The following SPIDR variants were observed in gnomAD, a reference collection of about 807,000 sequenced individuals.
SPIDR encodes scaffold protein involved in DNA repair.
In SPIDR, 93 loss-of-function variants were observed where a neutral mutation model predicts 104.6. That is an observed-to-expected ratio of 0.89 (90% CI 0.75 to 1.06). The LOEUF (loss-of-function observed/expected upper bound fraction) is 1.06. SPIDR is among the 50% of genes least tolerant of loss of function. The probability of loss-of-function intolerance (pLI) is 0.00; values close to 1 mark genes in which losing one functional copy is unlikely to be tolerated. For synonymous variants in SPIDR, 431 were observed against 416.9 expected (o/e 1.03, Z -0.41); for missense variants, 1,154 against 1,111.2 (o/e 1.04, Z -0.55).
intron 8 of SPIDR, among the ~76,000 whole-genome samples, chr8:47,552,112 TTGATTGCACTG>T (rs1197404083): frequency 6.6e-6 from 1 of 152,222 alleles, no homozygotes; most frequent in Non-Finnish European, 1.5e-5. Context: ...GAGTTCTAGT[TTGATTGCACTG>T]TGGTCTGAGA....
At chr8:47,642,462 T>G (rs1447667112) in intron 10 of SPIDR, among the ~76,000 whole-genome samples, 1 of 151,540 alleles carries the variant, frequency 6.6e-6, no homozygotes, top group African/African-American at 2.4e-5. Context: ...GCTTGCTATG[T>G]GAGGCCAGTG....
At chr8:47,707,729 C>T (rs906024804) in intron 14 of SPIDR, among the ~76,000 whole-genome samples, 1 of 152,212 alleles carries the variant, frequency 6.6e-6, no homozygotes, top group African/African-American at 2.4e-5. Context: ...TTTAATTTTA[C>T]ACTTTACCTT....
intron 8 of SPIDR, among the ~76,000 whole-genome samples, chr8:47,494,094 TCCTCCTGC>T (rs1422694783): frequency 6.6e-6 from 1 of 151,164 alleles, no homozygotes; most frequent in African/African-American, 2.4e-5. Context: ...GCTTAAGCGA[TCCTCCTGC>T]CTCAGCCTCT....
chr8:47,701,150 G>T (rs73571453), intron 12 of SPIDR, among the ~76,000 whole-genome samples: 2,750 of 152,284 alleles, frequency 0.018, 86 homozygotes, highest in African/African-American at 0.064. Context: ...CATAGTAGTT[G>T]TCAAAGCACA....
chr8:47,361,487 T>C (rs1587688529), intron 5 of SPIDR, among the ~76,000 whole-genome samples: 1 of 152,176 alleles, frequency 6.6e-6, no homozygotes, highest in Non-Finnish European at 1.5e-5. Flanking sequence ...GTTAGGCAGG[T>C]AGGAACCAAA....
chr8:47,447,364 C>T (rs782141950), intron 8 of SPIDR, among the ~76,000 whole-genome samples: 5 of 152,106 alleles, frequency 3.3e-5, no homozygotes, highest in Non-Finnish European at 7.4e-5. Flanking sequence ...CAGGCGTGTG[C>T]CACCACACAC....
At chr8:47,272,077 C>T (rs1226524113) in intron 1 of SPIDR, among the ~76,000 whole-genome samples, 1 of 152,044 alleles carries the variant, frequency 6.6e-6, no homozygotes, top group East Asian at 1.9e-4. Flanking sequence ...TGGGTTCAAG[C>T]GAGTCTCAGC....
At chr8:47,465,945 A>G (rs2074704593) in intron 8 of SPIDR, among the ~76,000 whole-genome samples, 1 of 152,206 alleles carries the variant, frequency 6.6e-6, no homozygotes, top group South Asian at 2.1e-4. Flanking sequence ...ACATAATGGT[A>G]AAGGGTTCAA....
chr8:47,404,827 A>G (rs1272531344), intron 6 of SPIDR, among the ~76,000 whole-genome samples: 1 of 152,204 alleles, frequency 6.6e-6, no homozygotes, highest in Non-Finnish European at 1.5e-5. Context: ...TAGAAATACC[A>G]TTTGACCCAG....
intron 19 of SPIDR, among the ~76,000 whole-genome samples, chr8:47,735,074 G>A (rs2085977482): frequency 6.6e-6 from 1 of 151,802 alleles, no homozygotes; most frequent in Non-Finnish European, 1.5e-5. Context: ...TCCTTCACTT[G>A]CTAAAATAAA....
In SPIDR at chr8:47,537,787, T is replaced by C. The variant is rs550859599; in HGVS notation, c.1098-58024T>C. Among the ~76,000 whole-genome samples, 202 of 152,308 alleles carry C rather than the reference T, an allele frequency of 1.3e-3. 2 individuals are homozygous for C. The highest frequency in any genetic ancestry group is 4.6e-3 in the African/African-American group (192 of 41,572). ...CAAGATGTTAATAGGGAAACTGAGA[T>C]AGGTGAGAGGGTATATGGGAACTCT... On this transcript the variant is annotated intron_variant, in intron 8 of 19. Transcript: ENST00000297423.
At chr8:47,700,017 G>A (rs1182609276) in intron 11 of SPIDR, among the ~76,000 whole-genome samples, 1 of 152,146 alleles carries the variant, frequency 6.6e-6, no homozygotes, top group Non-Finnish European at 1.5e-5. Context: ...AATATATATA[G>A]ATGCATGCAT....
intron 10 of SPIDR, among the ~76,000 whole-genome samples, chr8:47,606,315 C>T (rs922994112): frequency 7.3e-5 from 11 of 151,286 alleles, no homozygotes; most frequent in African/African-American, 9.7e-5. Flanking sequence ...GTCAAGAGAT[C>T]GAGACCATCC....
At chr8:47,352,278 CAA>C (rs35556300) in intron 5 of SPIDR, among the ~76,000 whole-genome samples, 13 of 130,824 alleles carry the variant, frequency 9.9e-5, no homozygotes, top group African/African-American at 1.3e-4. Flanking sequence ...TCCATCTCAA[CAA>C]AAAAAAAAAA....
intron 8 of SPIDR, among the ~76,000 whole-genome samples, chr8:47,570,974 C>A (rs2058449887): frequency 6.7e-6 from 1 of 149,650 alleles, no homozygotes; most frequent in Non-Finnish European, 1.5e-5. Flanking sequence ...GCCTGTAGTC[C>A]CAGCTACTCG....
chr8:47,316,407 A>G (rs1010535010), intron 5 of SPIDR, among the ~76,000 whole-genome samples: 1 of 152,226 alleles, frequency 6.6e-6, no homozygotes, highest in Non-Finnish European at 1.5e-5. Context: ...AAACACATCT[A>G]CAAGATTTGT....
intron 5 of SPIDR, among the ~76,000 whole-genome samples, chr8:47,380,419 G>A (rs1413932474): frequency 6.6e-6 from 1 of 152,148 alleles, no homozygotes; most frequent in African/African-American, 2.4e-5. Context: ...TCGGAGGACC[G>A]TGTTGCTGGG....
chr8:47,616,246 G>A (rs1196089584), intron 10 of SPIDR, among the ~76,000 whole-genome samples: 1 of 152,152 alleles, frequency 6.6e-6, no homozygotes, highest in African/African-American at 2.4e-5. Flanking sequence ...TTTTGTTCCT[G>A]ATCTTGGGGA....
chr8:47,611,172 T>C (rs1275063698), intron 10 of SPIDR, among the ~76,000 whole-genome samples: 1 of 152,106 alleles, frequency 6.6e-6, no homozygotes, highest in Non-Finnish European at 1.5e-5. Flanking sequence ...ATGTTGTTGT[T>C]TGTCTAAGGA....
Sources: gnomAD v4.1 joint callset for allele counts (sites outside exome capture counted in the v4.1 genomes callset) on GRCh38, gnomAD v4.1.1 for gene constraint, MANE v1.5 for transcripts, NCBI Gene and HGNC (gene_info 2026-07-23, HGNC 2026-07-21) for gene names.